The following NCKAP5 variants were observed in gnomAD, a reference collection of about 807,000 sequenced individuals.
NCKAP5 encodes nck-associated protein 5.
In NCKAP5, 92 loss-of-function variants were observed where a neutral mutation model predicts 167.0. The observed-to-expected ratio is 0.55, with a 90% CI of 0.47 to 0.66. NCKAP5 has a LOEUF of 0.66. Ranked by LOEUF, NCKAP5 falls within the 30% of genes least tolerant of loss-of-function variation. The probability of loss-of-function intolerance (pLI) is 0.00; values close to 1 mark genes in which losing one functional copy is unlikely to be tolerated. For missense variants in NCKAP5, 2,378 were observed against 2,315.0 expected (o/e 1.03, Z -0.56); for synonymous variants, 891 against 877.4 (o/e 1.02, Z -0.27).
At chr2:133,073,244 CCTTT>C (rs542845064) in intron 6 of NCKAP5, among the ~76,000 whole-genome samples, 17 of 151,888 alleles carry the variant, frequency 1.1e-4, no homozygotes, top group Non-Finnish European at 2.1e-4. Context: ...TTTCTTTCTC[CCTTT>C]TTTTATTCTC....
intron 10 of NCKAP5, among the ~76,000 whole-genome samples, chr2:132,862,183 T>C (rs564818637): frequency 6.6e-6 from 1 of 152,348 alleles, no homozygotes; most frequent in South Asian, 2.1e-4. Flanking sequence ...GGGCCTGCCA[T>C]AACCTTGTAT....
At chr2:133,399,421 A>G (rs940675280) in intron 3 of NCKAP5, among the ~76,000 whole-genome samples, 3 of 152,072 alleles carry the variant, frequency 2.0e-5, no homozygotes, top group Admixed American at 6.5e-5. Flanking sequence ...AGCTGTCATT[A>G]TAAAGTTGGA....
In NCKAP5 at chr2:133,176,773, T is replaced by A. The variant is rs1272567341; in HGVS notation, c.207+36943A>T. Among the ~76,000 whole-genome samples, 7 of 152,188 alleles carry A rather than the reference T, an allele frequency of 4.6e-5. No homozygotes were observed. In the East Asian group the frequency reaches 7.7e-4, roughly 17 times the overall value. ...TGTATGTGAATGAAACAAAACTTTT[T>A]AAAAAATCTATAAACAATGCCCAGT... is the stretch of plus-strand genomic sequence containing the variant. On this transcript the variant is annotated intron_variant, in intron 5 of 19. Coordinates refer to ENST00000409261, the MANE Select transcript of NCKAP5 (RefSeq NM_207363.3).
At chr2:133,422,191 C>A (rs149265604) in intron 3 of NCKAP5, among the ~76,000 whole-genome samples, 2 of 152,308 alleles carry the variant, frequency 1.3e-5, no homozygotes, top group East Asian at 3.9e-4. Context: ...TCTAATGGAC[C>A]AGGCTATATC....
At chr2:132,805,008 GC>G (rs1428820274) in intron 11 of NCKAP5, among the ~76,000 whole-genome samples, 1 of 151,906 alleles carries the variant, frequency 6.6e-6, no homozygotes, top group African/African-American at 2.4e-5. Flanking sequence ...TAAATGTTAA[GC>G]CCACAATTTG....
the NCKAP5 span, among the ~76,000 whole-genome samples, chr2:133,580,555 G>A: frequency 2.0e-5 from 3 of 152,136 alleles, no homozygotes; most frequent in Admixed American, 6.5e-5. Context: ...ATGGAGTTAT[G>A]GTATAGTATA....
intron 7 of NCKAP5, among the ~76,000 whole-genome samples, chr2:132,967,194 CACACACAT>C (rs1297607591): frequency 1.4e-3 from 207 of 147,894 alleles, no homozygotes; most frequent in African/African-American, 4.7e-3. Flanking sequence ...CACACACACA[CACACACAT>C]ACACACACAC....
At chr2:133,309,768 C>T (rs928281603) in intron 3 of NCKAP5, among the ~76,000 whole-genome samples, 1 of 152,170 alleles carries the variant, frequency 6.6e-6, no homozygotes, top group Non-Finnish European at 1.5e-5. Flanking sequence ...TAGGTCAGTT[C>T]TGAGAGAGGC....
chr2:132,835,180 A>G (rs1022148458), intron 11 of NCKAP5, among the ~76,000 whole-genome samples: 7 of 152,288 alleles, frequency 4.6e-5, no homozygotes, highest in Middle Eastern at 3.4e-3. Flanking sequence ...ATTGTGGTAT[A>G]TCATCCCTTT....
chr2:133,109,130 G>A lies in NCKAP5; in HGVS notation c.341+20848C>T, dbSNP rs537799554. On this transcript the variant is annotated intron_variant, in intron 6 of 19. Coordinates refer to ENST00000409261, the MANE Select transcript of NCKAP5 (RefSeq NM_207363.3). ...TATATAAAAACTTCCCAGCCTGTAC[G>A]ATGAGGCCTCAAATTATACAACAAT... 7.9e-5 allele frequency among the ~76,000 whole-genome samples: 12 copies of A among 152,246 alleles called. No individual in the cohort carries two copies. The East Asian group carries it at 1.4e-3, about 17-fold the overall frequency.
intron 11 of NCKAP5, among the ~76,000 whole-genome samples, chr2:132,809,397 G>A (rs1461300702): frequency 5.9e-5 from 9 of 152,064 alleles, no homozygotes; most frequent in African/African-American, 1.2e-4. Context: ...TTGGGTTGCC[G>A]TCCATCTCAT....
the NCKAP5 span, among the ~76,000 whole-genome samples, chr2:133,632,536 T>C: frequency 2.6e-5 from 4 of 152,212 alleles, no homozygotes; most frequent in Non-Finnish European, 4.4e-5. Flanking sequence ...GGAAAATTAC[T>C]ACAATGGTCA....
In NCKAP5 at chr2:133,517,483, C is replaced by CT; in HGVS notation, c.43dup (p.Arg15LysfsTer16). ...CACAAGACTGCTGTCTAGAGACAGCCTTTTTCCAAAGTCCCTTTTCTCAAG... is the reference window on the plus strand; with the variant it reads ...CACAAGACTGCTGTCTAGAGACAGCCTTTTTTCCAAAGTCCCTTTTCTCAAG... On this transcript the variant is annotated frameshift_variant, in exon 3 of 20. Transcript: ENST00000409261. LOFTEE classifies it high-confidence loss of function. 1 of 1,529,296 alleles carries CT rather than the reference C, an allele frequency of 6.5e-7. No individual in the cohort carries two copies. Among genetic ancestry groups the CT allele is most frequent in the Non-Finnish European group, 8.8e-7 (1 of 1,133,602 alleles). 94.7% of individuals were successfully genotyped at this position (1,529,296 alleles called of 1,614,324 possible). A position where few individuals can be genotyped will look rare whatever the true frequency, so the allele number is the denominator to read the frequency against.
At chr2:132,867,008 T>C (rs1690407641) in intron 10 of NCKAP5, among the ~76,000 whole-genome samples, 1 of 152,208 alleles carries the variant, frequency 6.6e-6, no homozygotes, top group Non-Finnish European at 1.5e-5. Context: ...TTCTGCCTCA[T>C]AGTGTCCCTG....
At chr2:132,871,005 T>TA (rs1690772801) in intron 9 of NCKAP5, among the ~76,000 whole-genome samples, 1 of 152,178 alleles carries the variant, frequency 6.6e-6, no homozygotes, top group South Asian at 2.1e-4. Flanking sequence ...AGACATTAAG[T>TA]AAAAAAGAAA....
chr2:132,790,268 C>T, intron 12 of NCKAP5, 63 bp from the exon 13 acceptor site: 1 of 1,426,780 alleles, frequency 7.0e-7, no homozygotes, highest in Non-Finnish European at 9.5e-7. Flanking sequence ...ATCAACACAA[C>T]CTTATGGTGA....
intron 3 of NCKAP5, among the ~76,000 whole-genome samples, chr2:133,388,591 G>A (rs1687167407): frequency 6.6e-6 from 1 of 152,222 alleles, no homozygotes; most frequent in African/African-American, 2.4e-5. Context: ...TAAGTCTGCA[G>A]GATTTGTGCT....
At chr2:133,570,086 T>C (rs1216026915), upstream of NCKAP5, among the ~76,000 whole-genome samples, 1 of 152,220 alleles carries the variant, frequency 6.6e-6, no homozygotes, top group Non-Finnish European at 1.5e-5. Flanking sequence ...GTGAATATAC[T>C]GATGTGGACA....
At chr2:132,913,030 T>A (rs1291358037) in intron 8 of NCKAP5, among the ~76,000 whole-genome samples, 1 of 152,082 alleles carries the variant, frequency 6.6e-6, no homozygotes, top group Non-Finnish European at 1.5e-5. Flanking sequence ...GCCCTCAAAC[T>A]ACTACGGTCT....
Sources: allele counts gnomAD v4.1 joint callset (sites outside exome capture counted in the v4.1 genomes callset), GRCh38; gene constraint gnomAD v4.1.1; transcripts MANE v1.5; gene names NCBI Gene and HGNC (gene_info 2026-07-23, HGNC 2026-07-21).